Variants in ARHGEF28 observed in about 807,000 individuals in gnomAD.
ARHGEF28 encodes 190 kDa guanine nucleotide exchange factor.
Under a neutral mutation model 206.6 loss-of-function variants are expected in ARHGEF28, and 152 were observed. The observed-to-expected ratio is 0.74, with a 90% CI of 0.64 to 0.84. The LOEUF (loss-of-function observed/expected upper bound fraction) is 0.84. Ranked by LOEUF, ARHGEF28 falls within the 40% of genes least tolerant of loss-of-function variation. The pLI is 0.00. For synonymous variants in ARHGEF28, 763 were observed against 776.4 expected, an observed-to-expected ratio of 0.98 and a Z score of 0.29; for missense variants, 2,028 against 2,073.2, an observed-to-expected ratio of 0.98 and a Z score of 0.42.
intron 17 of ARHGEF28, 137 bp from the exon 18 acceptor site, chr5:73,865,828 T>C: frequency 1.4e-6 from 1 of 693,776 alleles, no homozygotes; most frequent in Non-Finnish European, 2.4e-6. Context: ...TTAATGTCTT[T>C]TGCTTTGAAT....
At chr5:73,877,409 G>A (rs1237019225) in intron 22 of ARHGEF28, among the ~76,000 whole-genome samples, 31 of 148,736 alleles carry the variant, frequency 2.1e-4, no homozygotes, top group East Asian at 7.9e-4. Context: ...GGTTTTTTGC[G>A]TCTCTATTTC....
chr5:73,670,910 G>A (rs1443404331), intron 1 of ARHGEF28, among the ~76,000 whole-genome samples: 1 of 152,120 alleles, frequency 6.6e-6, no homozygotes, highest in East Asian at 1.9e-4. Flanking sequence ...CCACTCTGGA[G>A]CATGTCTTTT....
rs1237407784 is a variant in ARHGEF28, at chr5:73,846,317, G to C, written c.1477G>C (p.Glu493Gln). 6.2e-7 allele frequency: 1 copy of C among 1,613,788 alleles called. No individual in the cohort carries two copies. Among genetic ancestry groups the C allele is most frequent in the East Asian group, 2.2e-5 (1 of 44,864 alleles). ...DADSEGEGHS[E>Q]PSHICYTPGS... The stretch of plus-strand genomic sequence containing the variant: ...CGACAGTGAAGGGGAAGGGCATTCT[G>C]AGCCATCCCACATCTGTTACACTCC... Residue 493 changes from glutamate to glutamine, a missense_variant, in exon 12 of 36, where the codon GAG (glutamate) becomes CAG (glutamine). Transcript: ENST00000513042.
At chr5:73,666,124 A>T (rs1468820578) in intron 1 of ARHGEF28, among the ~76,000 whole-genome samples, 2 of 152,198 alleles carry the variant, frequency 1.3e-5, no homozygotes, top group Non-Finnish European at 2.9e-5. Context: ...CCTTTCCAAG[A>T]GGGAAAAGAA....
At chr5:73,703,431 A>C (rs1281166672) in intron 2 of ARHGEF28, among the ~76,000 whole-genome samples, 1 of 152,162 alleles carries the variant, frequency 6.6e-6, no homozygotes, top group African/African-American at 2.4e-5. Context: ...ACTCAGGTGG[A>C]TCTCAGGCCC....
chr5:73,893,536 C>T (rs932251668), intron 28 of ARHGEF28, among the ~76,000 whole-genome samples: 1 of 152,130 alleles, frequency 6.6e-6, no homozygotes, highest in South Asian at 2.1e-4. Context: ...CAGCTGTGGG[C>T]AGTGTGGTGC....
intron 2 of ARHGEF28, among the ~76,000 whole-genome samples, chr5:73,717,104 C>T (rs1283722010): frequency 6.6e-6 from 1 of 152,122 alleles, no homozygotes; most frequent in East Asian, 1.9e-4. Context: ...AAAATCCACC[C>T]AAACAAATCC....
chr5:73,910,905 CCTTTT>C (rs1233922459), intron 34 of ARHGEF28, among the ~76,000 whole-genome samples: 1 of 152,072 alleles, frequency 6.6e-6, no homozygotes, highest in Non-Finnish European at 1.5e-5. Flanking sequence ...ATCTGTTTTT[CCTTTT>C]AAGTTGGCTA....
intron 9 of ARHGEF28, among the ~76,000 whole-genome samples, chr5:73,826,360 A>G (rs1175746533): frequency 1.3e-5 from 2 of 152,168 alleles, no homozygotes; most frequent in African/African-American, 4.8e-5. Flanking sequence ...GTCTAGAGTT[A>G]AAACAAAATA....
At chr5:73,631,701 C>T (rs1219266955) in intron 1 of ARHGEF28, among the ~76,000 whole-genome samples, 1 of 152,146 alleles carries the variant, frequency 6.6e-6, no homozygotes, top group African/African-American at 2.4e-5. Context: ...TGTCAACTGC[C>T]TCCTGCTGTT....
At chr5:73,878,937 C>T (rs565391973) in intron 22 of ARHGEF28, among the ~76,000 whole-genome samples, 10 of 151,996 alleles carry the variant, frequency 6.6e-5, no homozygotes, top group Admixed American at 3.3e-4. Context: ...ACCTTTGTGG[C>T]GTTCTCTGTA....
At chr5:73,741,381 GTGTGTATA>G (rs1751401200) in intron 2 of ARHGEF28, among the ~76,000 whole-genome samples, 1 of 26,716 alleles carries the variant, frequency 3.7e-5, no homozygotes, top group Non-Finnish European at 6.1e-5. Flanking sequence ...GTGTGTGTGT[GTGTGTATA>G]TATATATATA....
At chr5:73,774,068 T>G in intron 5 of ARHGEF28, 30 bp downstream of exon 5, 1 of 1,532,048 alleles carries the variant, frequency 6.5e-7, no homozygotes, top group African/African-American at 1.4e-5. Flanking sequence ...AGTCTCTCTC[T>G]TATTTGTATA....
chr5:73,716,101 GA>G (rs1398101289), intron 2 of ARHGEF28, among the ~76,000 whole-genome samples: 1 of 152,026 alleles, frequency 6.6e-6, no homozygotes, highest in Non-Finnish European at 1.5e-5. Context: ...TTGTCCTTAA[GA>G]AGTTAAAAAC....
chr5:73,750,043 G>A, intron 3 of ARHGEF28, 59 bp downstream of exon 3: 1 of 1,590,744 alleles, frequency 6.3e-7, no homozygotes, highest in Non-Finnish European at 8.6e-7. Context: ...CTTCCCTCCA[G>A]GGCTGTAGGC....
intron 1 of ARHGEF28, among the ~76,000 whole-genome samples, chr5:73,638,983 G>A (rs986262765): frequency 3.9e-5 from 6 of 151,972 alleles, no homozygotes; most frequent in East Asian, 1.9e-4. Flanking sequence ...AGTAGCTGGC[G>A]CTTGTAGCTA....
At chr5:73,855,497 C>T (rs926533720) in intron 14 of ARHGEF28, among the ~76,000 whole-genome samples, 22 of 151,992 alleles carry the variant, frequency 1.4e-4, no homozygotes, top group African/African-American at 1.9e-4. Context: ...TTTGGGAGGC[C>T]GAGGTGGGTG....
At chr5:73,737,439 C>CTTTTT (rs1751018089) in intron 2 of ARHGEF28, among the ~76,000 whole-genome samples, 1 of 72,500 alleles carries the variant, frequency 1.4e-5, no homozygotes, top group African/African-American at 4.8e-5. Flanking sequence ...AGCCCTCTTC[C>CTTTTT]TTCTTTTCTT....
intron 2 of ARHGEF28, among the ~76,000 whole-genome samples, chr5:73,727,737 T>G (rs999256264): frequency 6.6e-6 from 1 of 152,222 alleles, no homozygotes; most frequent in African/African-American, 2.4e-5. Flanking sequence ...AATAAATCCC[T>G]GATTTCAAAA....
Sources: allele counts gnomAD v4.1 joint callset (sites outside exome capture counted in the v4.1 genomes callset), GRCh38; gene constraint gnomAD v4.1.1; transcripts MANE v1.5; gene names NCBI Gene and HGNC (gene_info 2026-07-23, HGNC 2026-07-21).